Variants in CSMD1 observed in about 807,000 individuals in gnomAD.
The protein encoded by CSMD1 is CUB and Sushi multiple domains 1.
Under a neutral mutation model 417.5 loss-of-function variants are expected in CSMD1, and 213 were observed. The observed-to-expected ratio is 0.51, with a 90% CI of 0.46 to 0.57. The LOEUF (loss-of-function observed/expected upper bound fraction) is 0.57, where lower values mean the gene tolerates loss of function less well. Ranked by LOEUF, CSMD1 falls within the 20% of genes least tolerant of loss-of-function variation. CSMD1 has a pLI of 0.00. For missense variants in CSMD1, 6,923 were observed against 4,529.7 expected, an observed-to-expected ratio of 1.53 and a Z score of -15.17; for synonymous variants, 2,862 against 1,736.8, an observed-to-expected ratio of 1.65 and a Z score of -16.11.
intron 1 of CSMD1, among the ~76,000 whole-genome samples, chr8:4,798,624 G>A (rs17071376): frequency 0.34 from 51,121 of 151,818 alleles, 8,671 homozygotes; most frequent in East Asian, 0.52. Flanking sequence ...ATAAAAATTC[G>A]TCTAAAACCT....
chr8:4,217,464 G>A (rs1300253452), intron 3 of CSMD1, among the ~76,000 whole-genome samples: 1 of 152,126 alleles, frequency 6.6e-6, no homozygotes, highest in African/African-American at 2.4e-5. Flanking sequence ...TATACACAGT[G>A]AATTAAACAC....
intron 59 of CSMD1, among the ~76,000 whole-genome samples, chr8:2,965,521 C>G (rs911282004): frequency 6.6e-6 from 1 of 152,186 alleles, no homozygotes; most frequent in Non-Finnish European, 1.5e-5. Flanking sequence ...GTGACCGTCA[C>G]TGAACCCCGA....
At chr8:3,060,237 C>A (rs1355566030) in intron 49 of CSMD1, among the ~76,000 whole-genome samples, 1 of 151,586 alleles carries the variant, frequency 6.6e-6, no homozygotes, top group Non-Finnish European at 1.5e-5. Flanking sequence ...CCTCCACCTC[C>A]CGAGTTCAAG....
intron 5 of CSMD1, among the ~76,000 whole-genome samples, chr8:3,882,975 C>T (rs1004942212): frequency 2.0e-5 from 3 of 152,168 alleles, no homozygotes; most frequent in Non-Finnish European, 2.9e-5. Context: ...AGTTTGTTGA[C>T]TCTCAATAGC....
chr8:4,344,569 T>C (rs1372862642), intron 3 of CSMD1, among the ~76,000 whole-genome samples: 1 of 150,910 alleles, frequency 6.6e-6, no homozygotes, highest in Non-Finnish European at 1.5e-5. Flanking sequence ...TATATACATA[T>C]ATAAGTATAT....
intron 3 of CSMD1, among the ~76,000 whole-genome samples, chr8:4,372,462 C>T (rs1213615542): frequency 6.6e-6 from 1 of 151,176 alleles, no homozygotes; most frequent in East Asian, 1.9e-4. Context: ...AATTCAAGGG[C>T]AATAGTTAAG....
intron 3 of CSMD1, among the ~76,000 whole-genome samples, chr8:4,397,124 G>A (rs192334615): frequency 1.3e-5 from 2 of 151,694 alleles, no homozygotes; most frequent in Non-Finnish European, 2.9e-5. Context: ...CCATCTGCAC[G>A]CCATCACATG....
chr8:3,645,257 T>G (rs1196522459), intron 7 of CSMD1, among the ~76,000 whole-genome samples: 1 of 152,170 alleles, frequency 6.6e-6, no homozygotes, highest in Non-Finnish European at 1.5e-5. Context: ...GCAGTAAGTG[T>G]TCATACACTT....
At chr8:3,177,919 A>C (rs765390157) in intron 37 of CSMD1, among the ~76,000 whole-genome samples, 1 of 152,212 alleles carries the variant, frequency 6.6e-6, no homozygotes, top group East Asian at 1.9e-4. Context: ...GGTTTTCTTT[A>C]GAAAAGAACG....
In CSMD1 at chr8:3,957,239, G is replaced by A. The variant is rs184687487; in HGVS notation, c.818+40664C>T. On this transcript the variant is annotated intron_variant, in intron 5 of 69. Coordinates refer to ENST00000635120, the MANE Select transcript of CSMD1 (RefSeq NM_033225.6). ...AGACAGAAATATAGGAGCAAAGACA[G>A]TCTTTGTGTGTAGGTTTCACTATCG... Among the ~76,000 whole-genome samples, 18 of 152,350 alleles carry A rather than the reference G, an allele frequency of 1.2e-4. No homozygotes were observed. In the East Asian group the frequency reaches 3.5e-3, roughly 29 times the overall value.
At chr8:4,162,183 T>C (rs1797213343) in intron 3 of CSMD1, among the ~76,000 whole-genome samples, 1 of 152,186 alleles carries the variant, frequency 6.6e-6, no homozygotes, top group African/African-American at 2.4e-5. Context: ...TTGCGCAACT[T>C]TTCTTTCCAA....
intron 49 of CSMD1, among the ~76,000 whole-genome samples, chr8:3,057,905 C>T (rs1389376512): frequency 6.6e-6 from 1 of 152,216 alleles, no homozygotes; most frequent in Non-Finnish European, 1.5e-5. Flanking sequence ...ACAAAAACTA[C>T]ATTTTTTGTC....
At chr8:3,645,969 G>C (rs965679884) in intron 7 of CSMD1, among the ~76,000 whole-genome samples, 10 of 150,404 alleles carry the variant, frequency 6.6e-5, no homozygotes, top group African/African-American at 2.2e-4. Context: ...ATTAAATTTA[G>C]AAAAAAACTA....
At chr8:4,480,437 T>C (rs1255451098) in intron 2 of CSMD1, among the ~76,000 whole-genome samples, 5 of 152,194 alleles carry the variant, frequency 3.3e-5, no homozygotes, top group African/African-American at 1.2e-4. Context: ...TCGAGTCTAT[T>C]GCGAGCATAA....
intron 49 of CSMD1, among the ~76,000 whole-genome samples, chr8:3,063,678 C>G (rs187370814): frequency 6.6e-6 from 1 of 152,304 alleles, no homozygotes; most frequent in East Asian, 1.9e-4. Context: ...TGACACACCA[C>G]ATGCTACAAC....
chr8:4,459,682 C>A (rs1313353671), intron 2 of CSMD1, among the ~76,000 whole-genome samples: 4 of 152,100 alleles, frequency 2.6e-5, no homozygotes, highest in Non-Finnish European at 4.4e-5. Context: ...GAAGTGTGGA[C>A]ATAAGAATAT....
intron 5 of CSMD1, among the ~76,000 whole-genome samples, chr8:3,930,726 G>C (rs1366541809): frequency 5.3e-5 from 8 of 150,388 alleles, no homozygotes. Flanking sequence ...GGCCTTGTGA[G>C]GAAATTAAAT....
intron 50 of CSMD1, among the ~76,000 whole-genome samples, chr8:3,036,296 C>G (rs1362274553): frequency 6.6e-6 from 1 of 152,170 alleles, no homozygotes; most frequent in East Asian, 1.9e-4. Flanking sequence ...CTTTGCCCTT[C>G]TCTCTCAAAA....
At chr8:4,256,769 C>T (rs757083638) in intron 3 of CSMD1, among the ~76,000 whole-genome samples, 38 of 152,122 alleles carry the variant, frequency 2.5e-4, no homozygotes, top group Non-Finnish European at 4.6e-4. Context: ...GCCCTGCTCT[C>T]AAGCAGCTTG....
Sources: gnomAD v4.1 joint callset for allele counts (sites outside exome capture counted in the v4.1 genomes callset) on GRCh38, gnomAD v4.1.1 for gene constraint, MANE v1.5 for transcripts, NCBI Gene and HGNC (gene_info 2026-07-23, HGNC 2026-07-21) for gene names.